The following CACNA2D3 variants were observed in gnomAD, a reference collection of about 807,000 sequenced individuals.
CACNA2D3 encodes the protein voltage-dependent calcium channel subunit alpha-2/delta-3.
CACNA2D3 carries 60 observed loss-of-function variants against 160.6 expected under a neutral mutation model. The ratio of observed to expected loss-of-function variants is 0.37; its 90% CI spans 0.30 to 0.46. The LOEUF (loss-of-function observed/expected upper bound fraction) is 0.46, where lower values mean the gene tolerates loss of function less well. Ranked by LOEUF, CACNA2D3 falls within the 20% of genes least tolerant of loss-of-function variation. The pLI, the probability that CACNA2D3 is intolerant of heterozygous loss-of-function variation, is 1.00. For missense variants in CACNA2D3, 1,205 were observed against 1,365.0 expected, an observed-to-expected ratio of 0.88 and a Z score of 1.85; for synonymous variants, 558 against 492.9, an observed-to-expected ratio of 1.13 and a Z score of -1.75.
chr3:55,034,403 T>C (rs981110851), intron 35 of CACNA2D3, among the ~76,000 whole-genome samples: 2 of 152,102 alleles, frequency 1.3e-5, no homozygotes, highest in African/African-American at 2.4e-5. Context: ...TTAAGTCTTA[T>C]ATTGTTAGTC....
chr3:54,764,985 T>A (rs1353070425), intron 13 of CACNA2D3, among the ~76,000 whole-genome samples: 3 of 152,224 alleles, frequency 2.0e-5, no homozygotes, highest in Non-Finnish European at 1.5e-5. Context: ...GTTTCTTATG[T>A]AATCTCAGGG....
In CACNA2D3 at chr3:55,042,986, T is replaced by C. The variant is rs377642445; in HGVS notation, c.2987+24669T>C. Among the ~76,000 whole-genome samples, 60 of 152,326 alleles carry C rather than the reference T, an allele frequency of 3.9e-4. 3 individuals are homozygous for C. The South Asian group carries it at 0.012, about 32-fold the overall frequency. Reference sequence around the variant, plus strand: ...GTATTCACTGTATAAATGTATCATATTTTGTTTATCCATTATCCAGTAGAA... The same window carrying C: ...GTATTCACTGTATAAATGTATCATACTTTGTTTATCCATTATCCAGTAGAA... On this transcript the variant is annotated intron_variant, in intron 35 of 37. Coordinates refer to ENST00000474759, the MANE Select transcript of CACNA2D3 (RefSeq NM_018398.3).
chr3:54,451,504 C>T (rs1341973326), intron 4 of CACNA2D3, among the ~76,000 whole-genome samples: 1 of 152,028 alleles, frequency 6.6e-6, no homozygotes, highest in Non-Finnish European at 1.5e-5. Context: ...CAGATTTTTC[C>T]TGGATAATCC....
chr3:54,887,038 TCCTAGACTTA>T (rs1699943539), intron 23 of CACNA2D3, among the ~76,000 whole-genome samples: 1 of 148,826 alleles, frequency 6.7e-6, no homozygotes, highest in Non-Finnish European at 1.5e-5. Flanking sequence ...AGGATGCCTC[TCCTAGACTTA>T]CCATGTCCTC....
chr3:54,432,248 T>A (rs1369126249), intron 4 of CACNA2D3, among the ~76,000 whole-genome samples: 1 of 152,224 alleles, frequency 6.6e-6, no homozygotes, highest in Non-Finnish European at 1.5e-5. Context: ...CTGATCCTTC[T>A]GAACCTTCTA....
chr3:54,760,776 T>A (rs1453979705), intron 12 of CACNA2D3, among the ~76,000 whole-genome samples: 1 of 151,784 alleles, frequency 6.6e-6, no homozygotes, highest in African/African-American at 2.4e-5. Flanking sequence ...TGGAGGATAA[T>A]TATGTTTTGG....
In CACNA2D3 at chr3:55,073,418, C is replaced by A. The variant is rs1330622337; in HGVS notation, c.2988-27C>A. The stretch of plus-strand genomic sequence containing the variant: ...TCTTTAATTGACGGATGGTAAATGA[C>A]TGCCTCGCTACCTCTTGTTCCAACA... On this transcript the variant is annotated intron_variant, in intron 35 of 37. Transcript: ENST00000474759. 7 of 1,544,246 alleles carry A rather than the reference C, an allele frequency of 4.5e-6. No individual in the cohort carries two copies. In the African/African-American group the frequency reaches 9.5e-5, roughly 21 times the overall value.
In CACNA2D3 at chr3:54,924,843, A is replaced by C. The variant is rs761288288; in HGVS notation, c.2449+24975A>C. 9.3e-6 allele frequency: 15 copies of C among 1,613,774 alleles called. No individual in the cohort carries two copies. In the African/African-American group the frequency reaches 1.9e-4, roughly 20 times the overall value. On this transcript the variant is annotated intron_variant, in intron 27 of 37. Transcript: ENST00000474759. ...GCTTATGTTGTTTGATGACAAATCAAGCTCCCTCAGCTGAGGGAGGGAATG... is the reference window on the plus strand; with the variant it reads ...GCTTATGTTGTTTGATGACAAATCACGCTCCCTCAGCTGAGGGAGGGAATG...
At chr3:54,614,846 C>G (rs1436085906) in intron 9 of CACNA2D3, among the ~76,000 whole-genome samples, 1 of 152,044 alleles carries the variant, frequency 6.6e-6, no homozygotes, top group African/African-American at 2.4e-5. Context: ...TTAAATATCC[C>G]TCCACCACTC....
chr3:54,508,449 A>G (rs528602009), intron 5 of CACNA2D3, among the ~76,000 whole-genome samples: 2 of 152,320 alleles, frequency 1.3e-5, no homozygotes, highest in African/African-American at 2.4e-5. Flanking sequence ...CTAGAGAGCA[A>G]GCTCCAGTGA....
At position 55,002,157 on chromosome 3, in the gene CACNA2D3, CAA is replaced by C. The variant is rs543053532; in HGVS notation, c.2691-2590_2691-2589del. On this transcript the variant is annotated intron_variant, in intron 31 of 37. Transcript: ENST00000474759. ...GGTGACAGAGAGTGAGACTCCATAT[CAA>C]AAAAAAAAAAAAAAAGAATGTACCC... 2.3e-3 allele frequency among the ~76,000 whole-genome samples: 212 copies of C among 93,894 alleles called. 1 individual carries two copies. Among genetic ancestry groups the C allele is most frequent in the African/African-American group, 6.0e-3 (181 of 30,210 alleles). 61.6% of individuals were successfully genotyped at this position (93,894 alleles called of 152,430 possible).
chr3:54,621,340 G>A (rs1339576416), intron 9 of CACNA2D3, among the ~76,000 whole-genome samples: 2 of 152,240 alleles, frequency 1.3e-5, no homozygotes, highest in Non-Finnish European at 2.9e-5. Flanking sequence ...TGGCCTCAAC[G>A]TTGTGGCTGT....
At chr3:55,019,712 T>G (rs9866703) in intron 35 of CACNA2D3, among the ~76,000 whole-genome samples, 10,842 of 152,192 alleles carry the variant, frequency 0.071, 1,316 homozygotes, top group African/African-American at 0.25. Flanking sequence ...GTGAAACATT[T>G]TCTTTCTAGT....
chr3:54,387,775 C>T (rs1471568021), intron 4 of CACNA2D3, among the ~76,000 whole-genome samples: 1 of 152,172 alleles, frequency 6.6e-6, no homozygotes, highest in Non-Finnish European at 1.5e-5. Flanking sequence ...ACTAGGAAAA[C>T]AGAAGGAGCA....
intron 27 of CACNA2D3, among the ~76,000 whole-genome samples, chr3:54,944,775 C>A (rs58358513): frequency 0.16 from 23,932 of 151,788 alleles, 2,380 homozygotes; most frequent in African/African-American, 0.29. Context: ...ACAATAACTT[C>A]TTTTATCTCT....
At chr3:54,813,222 C>T (rs1456829092) in intron 13 of CACNA2D3, among the ~76,000 whole-genome samples, 2 of 152,182 alleles carry the variant, frequency 1.3e-5, no homozygotes, top group Admixed American at 6.5e-5. Context: ...CAGGAAGGAA[C>T]CCAATGCTGC....
intron 2 of CACNA2D3, among the ~76,000 whole-genome samples, chr3:54,150,289 G>T (rs1700123843): frequency 6.6e-6 from 1 of 152,152 alleles, no homozygotes; most frequent in Admixed American, 6.5e-5. Flanking sequence ...TACTTTAAAT[G>T]TTAAAGGTCT....
chr3:54,362,512 G>A (rs551982008), intron 3 of CACNA2D3, among the ~76,000 whole-genome samples: 13 of 152,164 alleles, frequency 8.5e-5, no homozygotes, highest in Non-Finnish European at 1.9e-4. Flanking sequence ...CCACACTCCC[G>A]GGAGGGGAGT....
chr3:54,318,719 A>C (rs1237655726), intron 2 of CACNA2D3, among the ~76,000 whole-genome samples: 2 of 148,114 alleles, frequency 1.4e-5, no homozygotes, highest in Non-Finnish European at 3.0e-5. Flanking sequence ...TTCTGAGACA[A>C]GGCCTTACTG....
Sources: allele counts gnomAD v4.1 joint callset (sites outside exome capture counted in the v4.1 genomes callset), GRCh38; gene constraint gnomAD v4.1.1; transcripts MANE v1.5; gene names NCBI Gene and HGNC (gene_info 2026-07-23, HGNC 2026-07-21).